Variants in EHMT1 observed in about 807,000 individuals in gnomAD.
EHMT1 encodes the protein euchromatic histone lysine methyltransferase 1, also known as histone-lysine N-methyltransferase EHMT1.
In EHMT1, 15 loss-of-function variants were observed where a neutral mutation model predicts 147.2. That is an observed-to-expected ratio of 0.10 (90% CI 0.07 to 0.16). The LOEUF is 0.16. EHMT1 is among the 10% of genes least tolerant of loss of function. The pLI, the probability that EHMT1 is intolerant of heterozygous loss-of-function variation, is 1.00. For synonymous variants in EHMT1, 795 were observed against 709.6 expected (o/e 1.12, Z -1.91); for missense variants, 1,587 against 1,772.4 (o/e 0.90, Z 1.88).
chr9:137,736,117 T>C (rs1405081493), intron 4 of EHMT1, among the ~76,000 whole-genome samples: 1 of 152,146 alleles, frequency 6.6e-6, no homozygotes, highest in African/African-American at 2.4e-5. Context: ...AAAAAAGATA[T>C]TCCATGCAAA....
chr9:137,751,689 G>T (rs780503289), intron 6 of EHMT1, among the ~76,000 whole-genome samples: 1 of 152,182 alleles, frequency 6.6e-6, no homozygotes, highest in Non-Finnish European at 1.5e-5. Flanking sequence ...GTTCTGGTGT[G>T]GAAAGAATTC....
chr9:137,777,788 T>C (rs1951068978), intron 12 of EHMT1, 94 bp from the exon 13 acceptor site: 3 of 1,545,078 alleles, frequency 1.9e-6, no homozygotes, highest in Non-Finnish European at 2.7e-6. Context: ...AATCCGCAGC[T>C]CTCACTTAGA....
Position 137,782,433 on chromosome 9 carries a change from C to A in EHMT1, c.2382+36C>A. The A allele has an allele frequency of 1.3e-6, 2 of 1,549,440 alleles. No individual in the cohort carries two copies. The highest frequency in any genetic ancestry group is 1.8e-6 in the Non-Finnish European group (2 of 1,142,460). On this transcript the variant is annotated intron_variant, in intron 15 of 26. Transcript: ENST00000460843. This position sits in a 1 kb window ranked among gnomAD's most constrained non-coding sequence, Gnocchi z 5.7. ...ACGGCGCCCTCCTAGGGCTCTTCAC[C>A]TGCTCTCTTTTATTTTTACCAAAGT...
rs2132757961 is a variant in EHMT1 at position 137,815,934 on chromosome 9, C to T, written c.3259-13C>T. 9 of 1,592,034 alleles carry T rather than the reference C, an allele frequency of 5.7e-6. No homozygotes were observed. The highest frequency in any genetic ancestry group is 7.7e-6 in the Non-Finnish European group (9 of 1,168,800). ...TAACCTCTGCTGGGCCCTTGCTGCTCATCTGTCCACAGGATGGCCGGCTCC... is the reference window on the plus strand; with the variant it reads ...TAACCTCTGCTGGGCCCTTGCTGCTTATCTGTCCACAGGATGGCCGGCTCC... On this transcript the variant is annotated splice_polypyrimidine_tract_variant and intron_variant, in intron 22 of 26. Coordinates refer to ENST00000460843, the MANE Select transcript of EHMT1 (RefSeq NM_024757.5).
At chr9:137,796,440 C>G (rs939751249) in intron 16 of EHMT1, among the ~76,000 whole-genome samples, 1 of 152,186 alleles carries the variant, frequency 6.6e-6, no homozygotes, top group African/African-American at 2.4e-5. Flanking sequence ...TGCAGTGGCT[C>G]ACGCCTGTAA....
At chr9:137,689,532 G>C (rs1942754762) in intron 1 of EHMT1, among the ~76,000 whole-genome samples, 1 of 151,938 alleles carries the variant, frequency 6.6e-6, no homozygotes, top group Admixed American at 6.6e-5. Context: ...GTGAAACCCT[G>C]TCTCTACTAA....
chr9:137,834,826 G>T lies in EHMT1; in HGVS notation c.3770G>T (p.Arg1257Leu). 1 of 1,612,674 alleles carries T rather than the reference G, an allele frequency of 6.2e-7. No individual in the cohort carries two copies. The highest frequency in any genetic ancestry group is 8.5e-7 in the Non-Finnish European group (1 of 1,179,660). ...ATCAAAGGCAAGCTCTTCAGCTGCC[G>T]CTGCGGCTCCCCCAAGTGCCGGCAC... is the stretch of plus-strand genomic sequence containing the variant. Reference protein sequence around the residue: ...WDIKGKLFSCRCGSPKCRHSS... With the variant: ...WDIKGKLFSCLCGSPKCRHSS... The change falls in exon 27 of 27, where the codon CGC becomes CTC. Residue 1257 changes from arginine (R) to leucine (L), a missense_variant. This residue lies in a region of EHMT1 where 141 missense variants were observed against 150.8 expected (regional missense o/e 0.94). Coordinates refer to ENST00000460843, the MANE Select transcript of EHMT1 (RefSeq NM_024757.5).
intron 1 of EHMT1, among the ~76,000 whole-genome samples, chr9:137,631,893 A>T (rs1378687710): frequency 2.0e-5 from 3 of 152,162 alleles, no homozygotes; most frequent in Non-Finnish European, 4.4e-5. Context: ...AAGAAAAAAA[A>T]GATTATAATA....
chr9:137,760,930 C>G (rs1365345390), intron 9 of EHMT1, among the ~76,000 whole-genome samples: 5 of 152,198 alleles, frequency 3.3e-5, no homozygotes, highest in African/African-American at 1.2e-4. Flanking sequence ...ATGGCTTGAA[C>G]CTGGGGGCAG....
chr9:137,718,663 G>T lies in EHMT1; in HGVS notation c.642+1481G>T, dbSNP rs77649306. 2.1e-3 allele frequency among the ~76,000 whole-genome samples: 326 copies of T among 151,640 alleles called. 1 individual carries two copies. The highest frequency in any genetic ancestry group is 3.3e-3 in the Non-Finnish European group (223 of 67,924). The stretch of plus-strand genomic sequence containing the variant: ...TGGTTCCTCAGCCCTTCCCCTTCTT[G>T]CTGTTCATCCCATATATTGATATAT... On this transcript the variant is annotated intron_variant, in intron 3 of 26. Coordinates refer to ENST00000460843, the MANE Select transcript of EHMT1 (RefSeq NM_024757.5).
intron 7 of EHMT1, among the ~76,000 whole-genome samples, chr9:137,753,365 C>T (rs9285045): frequency 0.13 from 20,491 of 152,138 alleles, 3,188 homozygotes; most frequent in African/African-American, 0.38. Flanking sequence ...TTTCCAGCAG[C>T]AGCAGCTTTG....
chr9:137,670,075 G>C (rs1417357380), intron 1 of EHMT1, among the ~76,000 whole-genome samples: 1 of 151,874 alleles, frequency 6.6e-6, no homozygotes, highest in Non-Finnish European at 1.5e-5. Context: ...GGCCAGGCTG[G>C]TGTCTAACTC....
chr9:137,820,784 A>G (rs903959298), intron 25 of EHMT1, among the ~76,000 whole-genome samples: 6 of 152,204 alleles, frequency 3.9e-5, no homozygotes, highest in African/African-American at 4.8e-5. Context: ...CGTCCTATCA[A>G]TCAGTCTGCT....
intron 1 of EHMT1, among the ~76,000 whole-genome samples, chr9:137,668,329 C>CCACT (rs1364186297): frequency 7.9e-5 from 12 of 151,704 alleles, no homozygotes; most frequent in Non-Finnish European, 1.0e-4. Flanking sequence ...CACCCACCCA[C>CCACT]CACTCACCCA....
At chr9:137,694,177 C>T (rs1233487961) in intron 1 of EHMT1, among the ~76,000 whole-genome samples, 4 of 132,104 alleles carry the variant, frequency 3.0e-5, no homozygotes, top group Admixed American at 1.5e-4. Flanking sequence ...GGACGCTGGC[C>T]GATACCCACC....
At chr9:137,783,461 T>C (rs1002918355) in intron 15 of EHMT1, among the ~76,000 whole-genome samples, 1 of 152,256 alleles carries the variant, frequency 6.6e-6, no homozygotes, top group East Asian at 1.9e-4. Context: ...TTTTCTTCCC[T>C]TATTTCTCTG....
chr9:137,814,275 C>T, intron 21 of EHMT1, 156 bp from the exon 22 acceptor site: 3 of 783,640 alleles, frequency 3.8e-6, no homozygotes, highest in African/African-American at 1.7e-5. Context: ...TCTGCCTGCA[C>T]AGCCTTCTCC....
In EHMT1 at chr9:137,811,497, G is replaced by A. The variant is rs1344632716; in HGVS notation, c.2749G>A (p.Gly917Ser). Residue 917 changes from glycine (G) to serine (S), a missense_variant, in exon 19 of 27, where the codon GGC becomes AGC. Gly to Ser is a moderately conservative substitution (Grantham distance 56). Transcript: ENST00000460843. Reference sequence around the variant, plus strand: ...TTGCCTGCACTGGGCGGCGTTCTCCGGCTGCGTGGACATAGCCGAGATCCT... The same window carrying A: ...TTGCCTGCACTGGGCGGCGTTCTCCAGCTGCGTGGACATAGCCGAGATCCT... ...NICLHWAAFS[G>S]CVDIAEILLA... is the part of the protein sequence containing the mutation. The A allele has an allele frequency of 6.2e-7, 1 of 1,612,244 alleles. No homozygotes were observed. Among genetic ancestry groups the A allele is most frequent in the Non-Finnish European group, 8.5e-7 (1 of 1,180,012 alleles).
intron 3 of EHMT1, among the ~76,000 whole-genome samples, chr9:137,717,605 CAAAAA>C (rs1163785484): frequency 1.4e-5 from 1 of 69,626 alleles, no homozygotes; most frequent in Admixed American, 1.5e-4. Context: ...GACCCTGTCT[CAAAAA>C]AAAAAAAAAA....
Sources: gnomAD v4.1 joint callset for allele counts (sites outside exome capture counted in the v4.1 genomes callset) on GRCh38, gnomAD v4.1.1 for gene constraint, gnomAD v4.1.1 regional missense constraint, Gnocchi (gnomAD v3.1) non-coding constraint, MANE v1.5 for transcripts, NCBI Gene and HGNC (gene_info 2026-07-23, HGNC 2026-07-21) for gene names.